The following RGS7 variants were observed in gnomAD, a reference collection of about 807,000 sequenced individuals.
RGS7 encodes regulator of G-protein signaling 7.
RGS7 carries 27 observed loss-of-function variants against 81.1 expected under a neutral mutation model. The ratio of observed to expected loss-of-function variants is 0.33; its 90% CI spans 0.25 to 0.46. The LOEUF is 0.46. Among genes scored for constraint, RGS7 ranks in the 20% least tolerant of loss-of-function variants. The pLI, the probability that RGS7 is intolerant of heterozygous loss-of-function variation, is 1.00. For missense variants in RGS7, 396 were observed against 607.4 expected (o/e 0.65, Z 3.66); for synonymous variants, 208 against 207.7 (o/e 1.00, Z -0.01).
At chr1:241,297,517 C>T (rs1016177309) in intron 2 of RGS7, among the ~76,000 whole-genome samples, 6 of 152,168 alleles carry the variant, frequency 3.9e-5, no homozygotes, top group Non-Finnish European at 8.8e-5. Flanking sequence ...TGTGATCCTA[C>T]AAATTTCATT....
chr1:241,008,837 G>A (rs1050949903), intron 3 of RGS7, among the ~76,000 whole-genome samples: 4 of 148,370 alleles, frequency 2.7e-5, no homozygotes, highest in Admixed American at 6.9e-5. Context: ...GCTTGAACCT[G>A]GGAGGCAGAG....
At chr1:241,114,357 T>C (rs1306027764) in intron 2 of RGS7, among the ~76,000 whole-genome samples, 1 of 152,156 alleles carries the variant, frequency 6.6e-6, no homozygotes, top group Non-Finnish European at 1.5e-5. Flanking sequence ...CTTTTTATTA[T>C]AAAGCTTTCC....
intron 9 of RGS7, among the ~76,000 whole-genome samples, chr1:240,846,671 C>T (rs770576176): frequency 1.6e-4 from 25 of 152,186 alleles, no homozygotes; most frequent in Non-Finnish European, 2.8e-4. Context: ...TCTGTGTGGT[C>T]CCCTCCCACA....
At chr1:240,914,363 T>C (rs932877783) in intron 6 of RGS7, among the ~76,000 whole-genome samples, 50 of 152,126 alleles carry the variant, frequency 3.3e-4, no homozygotes, top group African/African-American at 1.1e-3. Flanking sequence ...CAATTGAGAG[T>C]GCCAGGTTTC....
intron 2 of RGS7, among the ~76,000 whole-genome samples, chr1:241,221,062 AGAGAGAG>A: frequency 7.0e-6 from 1 of 143,854 alleles, no homozygotes; most frequent in East Asian, 2.1e-4. Context: ...AAAGAAAGAG[AGAGAGAG>A]AGAAAGGAAG....
At chr1:240,849,469 G>C (rs759700300) in intron 9 of RGS7, among the ~76,000 whole-genome samples, 3 of 152,140 alleles carry the variant, frequency 2.0e-5, no homozygotes, top group African/African-American at 7.2e-5. Context: ...TTTATGAAAT[G>C]AGGACAAAAT....
intron 2 of RGS7, among the ~76,000 whole-genome samples, chr1:241,220,994 G>GAGGA: frequency 2.1e-5 from 2 of 93,600 alleles, no homozygotes; most frequent in Middle Eastern, 0.013. Flanking sequence ...AGGAAGGAAG[G>GAGGA]AAGAGAGAGA....
chr1:241,021,306 G>A (rs189694868), intron 3 of RGS7, among the ~76,000 whole-genome samples: 2 of 152,298 alleles, frequency 1.3e-5, no homozygotes, highest in East Asian at 3.9e-4. Context: ...GCTGGGTACA[G>A]AGGACAGCAA....
chr1:241,296,228 T>C (rs1273372058), intron 2 of RGS7, among the ~76,000 whole-genome samples: 3 of 151,154 alleles, frequency 2.0e-5, no homozygotes, highest in Non-Finnish European at 4.4e-5. Flanking sequence ...AAAGAGAAGA[T>C]AGGAGAAGAT....
chr1:240,911,957 C>G (rs1053811732), intron 6 of RGS7, among the ~76,000 whole-genome samples: 1 of 148,836 alleles, frequency 6.7e-6, no homozygotes, highest in Non-Finnish European at 1.5e-5. Context: ...CTGGCTAACA[C>G]GGTGAAACCT....
intron 2 of RGS7, among the ~76,000 whole-genome samples, chr1:241,307,215 T>C (rs886549568): frequency 1.3e-5 from 2 of 152,184 alleles, no homozygotes; most frequent in Non-Finnish European, 2.9e-5. Flanking sequence ...TCTAAAATAC[T>C]ATGAGTGGGC....
intron 4 of RGS7, among the ~76,000 whole-genome samples, chr1:240,959,781 C>T (rs1307017985): frequency 6.6e-6 from 1 of 151,988 alleles, no homozygotes; most frequent in Non-Finnish European, 1.5e-5. Flanking sequence ...TTAATTAATG[C>T]CTAGTGAGAG....
intron 3 of RGS7, among the ~76,000 whole-genome samples, chr1:241,056,130 C>T (rs1558654650): frequency 6.6e-6 from 1 of 152,166 alleles, no homozygotes; most frequent in Non-Finnish European, 1.5e-5. Context: ...GTGCTACAAC[C>T]TCACTAACAT....
chr1:240,943,167 T>G (rs894300226), intron 4 of RGS7, among the ~76,000 whole-genome samples: 5 of 152,152 alleles, frequency 3.3e-5, no homozygotes, highest in Non-Finnish European at 5.9e-5. Flanking sequence ...TATATCAACA[T>G]TGAGGAATGC....
At chr1:241,203,632 A>G (rs551161514) in intron 2 of RGS7, among the ~76,000 whole-genome samples, 35 of 152,208 alleles carry the variant, frequency 2.3e-4, no homozygotes, top group Non-Finnish European at 4.6e-4. Flanking sequence ...TTTCTGTTTA[A>G]ACCAATCAAA....
chr1:241,134,073 T>G (rs2067311806), intron 2 of RGS7, among the ~76,000 whole-genome samples: 3 of 152,218 alleles, frequency 2.0e-5, no homozygotes, highest in Admixed American at 2.0e-4. Flanking sequence ...CATCCTGCAC[T>G]GCCCAATATG....
At chr1:241,034,833 A>G (rs1205268224) in intron 3 of RGS7, among the ~76,000 whole-genome samples, 1 of 152,216 alleles carries the variant, frequency 6.6e-6, no homozygotes, top group Non-Finnish European at 1.5e-5. Context: ...GAAATTTACA[A>G]CCAGCACAAG....
At position 241,204,644 on chromosome 1, in the gene RGS7, A is replaced by T. The variant is rs138419039; in HGVS notation, c.79-105882T>A. Among the ~76,000 whole-genome samples the T allele has an allele frequency of 1.3e-3, 200 of 152,264 alleles. No individual in the cohort carries two copies. In the Middle Eastern group the frequency reaches 0.014, roughly 10 times the overall value. ...AAAGTCAGACAAATTTATCAACAAA[A>T]GAGAAGAAACCATTGTCTCAAGTGT... On this transcript the variant is annotated intron_variant, in intron 2 of 18. Coordinates refer to ENST00000440928, the MANE Select transcript of RGS7 (RefSeq NM_001364886.1).
chr1:240,823,284 C>T, intron 10 of RGS7: 2 of 623,386 alleles, frequency 3.2e-6, no homozygotes, highest in South Asian at 1.6e-5. Flanking sequence ...CGACACTGGC[C>T]CAACCATAAT....
Sources: gnomAD v4.1 joint callset for allele counts (sites outside exome capture counted in the v4.1 genomes callset) on GRCh38, gnomAD v4.1.1 for gene constraint, MANE v1.5 for transcripts, NCBI Gene and HGNC (gene_info 2026-07-23, HGNC 2026-07-21) for gene names.